Variants in ROBO1 observed in about 807,000 individuals in gnomAD.
The protein encoded by ROBO1 is roundabout homolog 1.
In ROBO1, 149 loss-of-function variants were observed where a neutral mutation model predicts 195.9. That is an observed-to-expected ratio of 0.76 (90% CI 0.67 to 0.87). The LOEUF (loss-of-function observed/expected upper bound fraction) is 0.87, where lower values mean the gene tolerates loss of function less well. Among genes scored for constraint, ROBO1 ranks in the 40% least tolerant of loss-of-function variants. The pLI is 0.00. For missense variants in ROBO1, 1,933 were observed against 2,068.3 expected (o/e 0.93, Z 1.27); for synonymous variants, 816 against 733.2 (o/e 1.11, Z -1.82).
At chr3:79,653,357 C>A (rs1946069279) in intron 1 of ROBO1, among the ~76,000 whole-genome samples, 1 of 151,952 alleles carries the variant, frequency 6.6e-6, no homozygotes, top group Non-Finnish European at 1.5e-5. Context: ...TCATTGGACA[C>A]ATTTTACCTC....
chr3:79,051,003 A>G (rs1215372993), intron 3 of ROBO1, among the ~76,000 whole-genome samples: 1 of 152,178 alleles, frequency 6.6e-6, no homozygotes, highest in Non-Finnish European at 1.5e-5. Context: ...AAAAGAACTG[A>G]GAAGCAAGAG....
chr3:79,268,904 ATT>A (rs1480611773), intron 2 of ROBO1, among the ~76,000 whole-genome samples: 2 of 151,792 alleles, frequency 1.3e-5, no homozygotes, highest in South Asian at 4.1e-4. Flanking sequence ...CTGTTATATC[ATT>A]TTTTGGACAT....
intron 4 of ROBO1, among the ~76,000 whole-genome samples, chr3:78,809,612 T>C (rs980697718): frequency 8.1e-6 from 1 of 123,136 alleles, no homozygotes; most frequent in African/African-American, 2.7e-5. Flanking sequence ...AATGATAGAC[T>C]GGATACAGAA....
chr3:79,407,028 T>C (rs938551757), intron 2 of ROBO1, among the ~76,000 whole-genome samples: 17 of 152,130 alleles, frequency 1.1e-4, no homozygotes, highest in African/African-American at 4.1e-4. Flanking sequence ...AAACGATTCT[T>C]CTGCCTCAGC....
At chr3:79,463,304 G>A (rs562521612) in intron 2 of ROBO1, among the ~76,000 whole-genome samples, 1 of 151,862 alleles carries the variant, frequency 6.6e-6, no homozygotes, top group South Asian at 2.1e-4. Context: ...GAACCCAGGA[G>A]TCAGAGCTTG....
At chr3:79,604,426 AT>A in intron 1 of ROBO1, among the ~76,000 whole-genome samples, 1 of 152,200 alleles carries the variant, frequency 6.6e-6, no homozygotes, top group African/African-American at 2.4e-5. Context: ...CAAACATAAA[AT>A]GGTGAATTTT....
At chr3:78,933,612 T>C (rs2039649531) in intron 4 of ROBO1, among the ~76,000 whole-genome samples, 1 of 151,950 alleles carries the variant, frequency 6.6e-6, no homozygotes, top group Non-Finnish European at 1.5e-5. Flanking sequence ...TTAAAGATGA[T>C]AAAATAACTA....
At chr3:79,492,824 A>T (rs1051128009) in intron 2 of ROBO1, among the ~76,000 whole-genome samples, 3 of 152,100 alleles carry the variant, frequency 2.0e-5, no homozygotes, top group Non-Finnish European at 4.4e-5. Context: ...TGTGAAATTG[A>T]TAGGATAATT....
intron 8 of ROBO1, among the ~76,000 whole-genome samples, chr3:78,713,983 G>T (rs938950856): frequency 1.3e-5 from 2 of 152,166 alleles, no homozygotes; most frequent in East Asian, 3.8e-4. Flanking sequence ...ACAGGCCCCT[G>T]AAAGTGGATG....
chr3:79,485,840 T>G (rs1223851143), intron 2 of ROBO1, among the ~76,000 whole-genome samples: 2 of 152,228 alleles, frequency 1.3e-5, no homozygotes, highest in Non-Finnish European at 2.9e-5. Flanking sequence ...CTGTATTAAA[T>G]AAAGTACCAA....
At chr3:78,944,219 C>A (rs555392898) in intron 3 of ROBO1, among the ~76,000 whole-genome samples, 1 of 152,336 alleles carries the variant, frequency 6.6e-6, no homozygotes, top group South Asian at 2.1e-4. Context: ...TCCAACTATT[C>A]CATAAATACT....
At chr3:78,806,042 C>T (rs973310300) in intron 4 of ROBO1, among the ~76,000 whole-genome samples, 2 of 152,118 alleles carry the variant, frequency 1.3e-5, no homozygotes, top group African/African-American at 4.8e-5. Context: ...TCACTGTAAA[C>T]TTGAACTCCT....
intron 3 of ROBO1, among the ~76,000 whole-genome samples, chr3:79,109,805 T>C (rs2079852951): frequency 6.6e-6 from 1 of 152,106 alleles, no homozygotes; most frequent in Non-Finnish European, 1.5e-5. Flanking sequence ...TTATGAGGTG[T>C]TCCATTTTTT....
intron 2 of ROBO1, among the ~76,000 whole-genome samples, chr3:79,302,687 G>A (rs917447604): frequency 2.6e-5 from 4 of 151,910 alleles, no homozygotes; most frequent in African/African-American, 4.8e-5. Flanking sequence ...GAGTTTTTCC[G>A]TGTTCTTTGA....
chr3:79,743,744 A>T (rs893774546), intron 1 of ROBO1, among the ~76,000 whole-genome samples: 4 of 152,166 alleles, frequency 2.6e-5, no homozygotes, highest in Non-Finnish European at 5.9e-5. Flanking sequence ...CATTTTTTAA[A>T]CTTTTAAACT....
intron 28 of ROBO1, 98 bp downstream of exon 28, chr3:78,614,550 T>A: frequency 7.7e-7 from 1 of 1,292,564 alleles, no homozygotes; most frequent in East Asian, 2.4e-5. Flanking sequence ...AAATTTTTAA[T>A]GTAATTTCTA....
chr3:78,821,643 G>A (rs2030971138), intron 4 of ROBO1, among the ~76,000 whole-genome samples: 1 of 152,104 alleles, frequency 6.6e-6, no homozygotes, highest in South Asian at 2.1e-4. Context: ...TCAACAGATT[G>A]ATAATAATAA....
At chr3:78,814,020 C>A (rs1411623680) in intron 4 of ROBO1, among the ~76,000 whole-genome samples, 1 of 151,920 alleles carries the variant, frequency 6.6e-6, no homozygotes, top group Non-Finnish European at 1.5e-5. Context: ...TCGGTATATG[C>A]CAGTTTTCTT....
At chr3:79,691,080 A>C (rs1457139690) in intron 1 of ROBO1, among the ~76,000 whole-genome samples, 1 of 151,944 alleles carries the variant, frequency 6.6e-6, no homozygotes, top group Non-Finnish European at 1.5e-5. Context: ...GTAAGAATCA[A>C]GTGCAGGATA....
Sources: gnomAD v4.1 joint callset for allele counts (sites outside exome capture counted in the v4.1 genomes callset) on GRCh38, gnomAD v4.1.1 for gene constraint, MANE v1.5 for transcripts, NCBI Gene and HGNC (gene_info 2026-07-23, HGNC 2026-07-21) for gene names.